The following PSD3 variants were observed in gnomAD, a reference collection of about 807,000 sequenced individuals.
PSD3 encodes the protein pleckstrin and Sec7 domain containing 3, also known as PH and SEC7 domain-containing protein 3.
In PSD3, 49 loss-of-function variants were observed where a neutral mutation model predicts 105.5. That is an observed-to-expected ratio of 0.46 (90% CI 0.37 to 0.59). PSD3 has a LOEUF of 0.59. Among genes scored for constraint, PSD3 ranks in the 20% least tolerant of loss-of-function variants. PSD3 has a pLI of 0.00. For synonymous variants in PSD3, 557 were observed against 457.8 expected (o/e 1.22, Z -2.77); for missense variants, 1,561 against 1,263.8 (o/e 1.24, Z -3.57).
intron 9 of PSD3, among the ~76,000 whole-genome samples, chr8:18,699,863 A>G (rs555825262): frequency 8.0e-4 from 120 of 150,248 alleles, no homozygotes; most frequent in African/African-American, 2.8e-3. Flanking sequence ...TGAGATCCCC[A>G]CCCAAAAAAA....
intron 9 of PSD3, among the ~76,000 whole-genome samples, chr8:18,675,677 C>A (rs572275243): frequency 6.6e-6 from 1 of 151,964 alleles, no homozygotes; most frequent in East Asian, 1.9e-4. Flanking sequence ...CTAAATGTAC[C>A]ATCGGAACAT....
chr8:18,846,871 A>C (rs1206697432), intron 4 of PSD3, among the ~76,000 whole-genome samples: 2 of 152,058 alleles, frequency 1.3e-5, no homozygotes, highest in Non-Finnish European at 2.9e-5. Flanking sequence ...CAACAACCTC[A>C]TTTTAAAGAT....
chr8:18,889,447 T>C (rs890157787), intron 2 of PSD3, among the ~76,000 whole-genome samples: 1 of 151,992 alleles, frequency 6.6e-6, no homozygotes, highest in Non-Finnish European at 1.5e-5. Context: ...TATTCCCCCA[T>C]CCTAAATCAC....
At chr8:19,044,916 G>A (rs538506731) in intron 1 of PSD3, among the ~76,000 whole-genome samples, 15 of 152,298 alleles carry the variant, frequency 9.8e-5, no homozygotes, top group African/African-American at 2.4e-4. Context: ...TGGGCATGGC[G>A]GATCATGCCT....
chr8:18,949,784 G>A (rs1316768669), intron 1 of PSD3, among the ~76,000 whole-genome samples: 1 of 152,100 alleles, frequency 6.6e-6, no homozygotes, highest in African/African-American at 2.4e-5. Context: ...ACCAAAGAGA[G>A]CATAAGGTCC....
At chr8:18,696,620 C>T (rs1801275994) in intron 9 of PSD3, among the ~76,000 whole-genome samples, 1 of 152,162 alleles carries the variant, frequency 6.6e-6, no homozygotes, top group South Asian at 2.1e-4. Flanking sequence ...TTACAAAGGT[C>T]TTAGTACATT....
chr8:18,970,057 G>GTT (rs35970911), intron 1 of PSD3, among the ~76,000 whole-genome samples: 2 of 3,404 alleles, frequency 5.9e-4, no homozygotes, highest in African/African-American at 1.5e-3. Flanking sequence ...GCCAGGTGCG[G>GTT]GCTCACACCT....
At chr8:18,847,919 A>C (rs1391606872) in intron 4 of PSD3, among the ~76,000 whole-genome samples, 2 of 152,198 alleles carry the variant, frequency 1.3e-5, no homozygotes, top group Non-Finnish European at 2.9e-5. Context: ...CTGCAGAAAC[A>C]ATCGGGGAGA....
intron 8 of PSD3, among the ~76,000 whole-genome samples, chr8:18,778,302 G>A (rs1808285509): frequency 6.6e-6 from 1 of 152,158 alleles, no homozygotes; most frequent in Non-Finnish European, 1.5e-5. Context: ...CTGCTGAGTT[G>A]TGTACACTGA....
chr8:18,657,817 T>C (rs1208891764), intron 9 of PSD3, among the ~76,000 whole-genome samples: 1 of 152,260 alleles, frequency 6.6e-6, no homozygotes, highest in Non-Finnish European at 1.5e-5. Flanking sequence ...CTTTAGATGC[T>C]ACTATCATAC....
chr8:19,048,726 T>C (rs1267906892), intron 1 of PSD3, among the ~76,000 whole-genome samples: 1 of 152,244 alleles, frequency 6.6e-6, no homozygotes, highest in Non-Finnish European at 1.5e-5. Flanking sequence ...GGATTCTATA[T>C]GAGCAGGGAA....
intron 6 of PSD3, chr8:18,803,388 A>AGT (rs1213067142): frequency 2.4e-4 from 7 of 28,650 alleles, no homozygotes; most frequent in African/African-American, 6.1e-4. Flanking sequence ...CAATCTATAA[A>AGT]CTGTGTGTGT....
rs1451550788 is a variant in PSD3, at chr8:18,535,700, C to T, written c.*43G>A. 6.7e-7 allele frequency: 1 copy of T among 1,489,546 alleles called. No homozygotes were observed. The highest frequency in any genetic ancestry group is 1.7e-5 in the Admixed American group (1 of 59,610). 92.3% of individuals were successfully genotyped at this position (1,489,546 alleles called of 1,614,324 possible). On this transcript the variant is annotated 3_prime_UTR_variant, in exon 16 of 16. Coordinates refer to ENST00000327040, the MANE Select transcript of PSD3 (RefSeq NM_015310.4). ...ATTACCAGAAAGATCTTGAAAAACC[C>T]TATTTTGCTCCATGACCAGCACTTC...
chr8:19,044,030 G>T (rs942182953), intron 1 of PSD3, among the ~76,000 whole-genome samples: 3 of 152,136 alleles, frequency 2.0e-5, no homozygotes, highest in Non-Finnish European at 2.9e-5. Context: ...TCAGGACTGT[G>T]CTCTGCCTGC....
chr8:18,694,914 A>T (rs1801178536), intron 9 of PSD3, among the ~76,000 whole-genome samples: 2 of 152,222 alleles, frequency 1.3e-5, no homozygotes, highest in African/African-American at 4.8e-5. Flanking sequence ...ATGGAGGAAA[A>T]TTATAGCATA....
At chr8:18,950,254 T>A (rs949683040) in intron 1 of PSD3, among the ~76,000 whole-genome samples, 9 of 152,226 alleles carry the variant, frequency 5.9e-5, no homozygotes, top group African/African-American at 2.2e-4. Flanking sequence ...AAAGGAATTG[T>A]TTACAGAAGC....
At chr8:18,915,796 T>C (rs2129465510) in intron 2 of PSD3, among the ~76,000 whole-genome samples, 1 of 152,112 alleles carries the variant, frequency 6.6e-6, no homozygotes, top group East Asian at 1.9e-4. Flanking sequence ...GGAAGTTCCT[T>C]TAAAAAAATA....
chr8:18,779,665 T>C (rs1808424851), intron 8 of PSD3, among the ~76,000 whole-genome samples: 1 of 152,188 alleles, frequency 6.6e-6, no homozygotes, highest in Admixed American at 6.5e-5. Flanking sequence ...TTCAAGAAAC[T>C]TTTTGTTTCT....
chr8:18,884,791 A>G (rs991830799), intron 2 of PSD3, among the ~76,000 whole-genome samples: 23 of 152,202 alleles, frequency 1.5e-4, no homozygotes, highest in African/African-American at 5.3e-4. Context: ...TCAGAACCCA[A>G]TTTTTCTTAT....
Sources: allele counts gnomAD v4.1 joint callset (sites outside exome capture counted in the v4.1 genomes callset), GRCh38; gene constraint gnomAD v4.1.1; transcripts MANE v1.5; gene names NCBI Gene and HGNC (gene_info 2026-07-23, HGNC 2026-07-21).